Variants in CHRNA2 observed in about 807,000 individuals in gnomAD.
CHRNA2 encodes the protein cholinergic receptor nicotinic alpha 2 subunit.
In CHRNA2, 40 loss-of-function variants were observed where a neutral mutation model predicts 45.5. The observed-to-expected ratio is 0.88, with a 90% CI of 0.68 to 1.15. The LOEUF (loss-of-function observed/expected upper bound fraction) is 1.15, where lower values mean the gene tolerates loss of function less well. Ranked by LOEUF, CHRNA2 falls within the 50% of genes most tolerant of loss-of-function variation. The pLI is 0.00. For synonymous variants in CHRNA2, 301 were observed against 296.7 expected, an observed-to-expected ratio of 1.01 and a Z score of -0.15; for missense variants, 655 against 701.7, an observed-to-expected ratio of 0.93 and a Z score of 0.75.
chr8:27,469,840 C>G lies in CHRNA2; in HGVS notation c.215G>C (p.Arg72Pro), dbSNP rs201922955. 6.8e-5 allele frequency: 110 copies of G among 1,613,994 alleles called. No homozygotes were observed. Among genetic ancestry groups the G allele is most frequent in the Non-Finnish European group, 6.9e-5 (82 of 1,180,034 alleles). The change falls in exon 3 of 7, where the codon CGC becomes CCC. Residue 72 changes from arginine (R) to proline (P), a missense_variant. Arg to Pro is a moderately radical substitution (Grantham distance 103, BLOSUM62 -2). Around this residue, in one of 3 missense-constraint regions of CHRNA2, gnomAD observed 323 missense variants for 354.4 expected, o/e 0.91. Coordinates refer to ENST00000407991, the MANE Select transcript of CHRNA2 (RefSeq NM_000742.4). Reference sequence around the variant, plus strand: ...AGTGTTGGGCACCGGGCGCGCCCAGCGGTTGTAGCCCCGGAAGAGGTGTTT... The same window carrying G: ...AGTGTTGGGCACCGGGCGCGCCCAGGGGTTGTAGCCCCGGAAGAGGTGTTT... ...LFKHLFRGYN[R>P]WARPVPNTSD...
chr8:27,469,513 A>C, intron 3 of CHRNA2, 134 bp from the exon 4 acceptor site: 2 of 993,936 alleles, frequency 2.0e-6, no homozygotes, highest in Non-Finnish European at 3.1e-6. Context: ...CCCACTCTGA[A>C]ACCTGCCACC....
intron 4 of CHRNA2, among the ~76,000 whole-genome samples, chr8:27,467,872 C>T (rs1476125690): frequency 1.3e-5 from 2 of 152,118 alleles, no homozygotes; most frequent in Non-Finnish European, 2.9e-5. Context: ...TCAAACTGCA[C>T]TCTCAAGTGC....
chr8:27,462,138 C>T (rs1163063778), intron 6 of CHRNA2, among the ~76,000 whole-genome samples: 1 of 152,232 alleles, frequency 6.6e-6, no homozygotes, highest in Non-Finnish European at 1.5e-5. Flanking sequence ...TCACAGGTTG[C>T]CTCCTCACCC....
rs775662796 is a variant in CHRNA2 at position 27,467,284 on chromosome 8, A to T, written c.394T>A (p.Ser132Thr). Residue 132 changes from serine (S) to threonine (T), a missense_variant, in exon 5 of 7, where the codon TCT becomes ACT. Coordinates refer to ENST00000407991, the MANE Select transcript of CHRNA2 (RefSeq NM_000742.4). ...ATCATCTCAGAAGGGACCCTGAGAG[A>T]TGTGATGTTGCCAAAATCAGTGGGG... ...WNPTDFGNIT[S>T]LRVPSEMIWI... 8 of 1,614,090 alleles carry T rather than the reference A, an allele frequency of 5.0e-6. No homozygotes were observed. Among genetic ancestry groups the T allele is most frequent in the Non-Finnish European group, 5.9e-6 (7 of 1,179,926 alleles).
intron 2 of CHRNA2, among the ~76,000 whole-genome samples, chr8:27,470,437 G>A (rs1020682320): frequency 3.3e-5 from 5 of 152,338 alleles, no homozygotes; most frequent in Admixed American, 2.0e-4. Context: ...GAAATGGACC[G>A]CTTTGGGAAC....
chr8:27,469,477 A>C, intron 3 of CHRNA2, 98 bp from the exon 4 acceptor site: 2 of 1,324,062 alleles, frequency 1.5e-6, no homozygotes, highest in South Asian at 2.5e-5. Context: ...CTCTGATAGG[A>C]CACCCCAAGC....
Position 27,461,451 on chromosome 8 carries a change from G to C in CHRNA2, c.*178C>G, listed in dbSNP as rs1002574858. ...AACAGGGCTTTGCACCCAGCAGGCT[G>C]TCAGCCCTGGTACAATAACGTTAAG... On this transcript the variant is annotated 3_prime_UTR_variant, in exon 7 of 7. Coordinates refer to ENST00000407991, the MANE Select transcript of CHRNA2 (RefSeq NM_000742.4). The C allele has an allele frequency of 1.3e-5, 11 of 860,842 alleles. No individual in the cohort carries two copies. The highest frequency in any genetic ancestry group is 7.8e-5 in the Admixed American group (3 of 38,246). The allele number at this position is 860,842 out of a possible 1,614,324, so 53.3% of individuals were successfully genotyped here. A position where few individuals can be genotyped will look rare whatever the true frequency, so the allele number is the denominator to read the frequency against.
rs1442987297 is a variant in CHRNA2, at chr8:27,460,752, G to C, written c.*877C>G. The C allele has an allele frequency of 6.6e-6, 1 of 152,326 alleles. No homozygotes were observed. The highest frequency in any genetic ancestry group is 1.5e-5 in the Non-Finnish European group (1 of 68,136). 9.4% of individuals were successfully genotyped at this position (152,326 alleles called of 1,614,324 possible). ...GGAGCAGCTCAGGATGGTCTTTCTT[G>C]TTTGCCTGCTGCACGCGTAGGGACA... is the stretch of plus-strand genomic sequence containing the variant. On this transcript the variant is annotated 3_prime_UTR_variant, in exon 7 of 7. Coordinates refer to ENST00000407991, the MANE Select transcript of CHRNA2 (RefSeq NM_000742.4).
intron 1 of CHRNA2, among the ~76,000 whole-genome samples, chr8:27,473,524 A>ACCCCCG (rs1812958118): frequency 9.9e-6 from 1 of 100,600 alleles, no homozygotes; most frequent in African/African-American, 3.9e-5. Context: ...ACATAGTGAG[A>ACCCCCG]CCCCCCCCGC....
chr8:27,469,473 T>C, intron 3 of CHRNA2, 94 bp from the exon 4 acceptor site: 6 of 1,340,270 alleles, frequency 4.5e-6, no homozygotes, highest in Non-Finnish European at 6.3e-6. Flanking sequence ...GACCCTCTGA[T>C]AGGACACCCC....
At position 27,469,388 on chromosome 8, in the gene CHRNA2, G is replaced by A. The variant is rs2132666030; in HGVS notation, c.295-9C>T. The A allele has an allele frequency of 1.3e-6, 2 of 1,555,296 alleles. No individual in the cohort carries two copies. The highest frequency in any genetic ancestry group is 1.7e-6 in the Non-Finnish European group (2 of 1,148,720). On this transcript the variant is annotated splice_polypyrimidine_tract_variant and intron_variant, in intron 3 of 6. Transcript: ENST00000407991. ...ATTTGGTTCTTCTCATCCTGGCCCA[G>A]AGAGAGACAGAGGAGCAATTAAAGG...
At chr8:27,467,365 A>G (rs763096433) in intron 4 of CHRNA2, 27 bp from the exon 5 acceptor site, 2 of 1,567,460 alleles carry the variant, frequency 1.3e-6, no homozygotes, top group African/African-American at 2.7e-5. Context: ...AGTTGTGTCA[A>G]CCTCGCTTCC....
At chr8:27,461,836 C>T (rs529399073) in intron 6 of CHRNA2, 82 bp from the exon 7 acceptor site, 50 of 1,601,682 alleles carry the variant, frequency 3.1e-5, no homozygotes, top group Middle Eastern at 1.9e-4. Context: ...CCTGCACAGG[C>T]GGCCACTGGG....
At position 27,463,341 on chromosome 8, in the gene CHRNA2, C is replaced by T; in HGVS notation, c.1102G>A (p.Gly368Arg). Residue 368 changes from glycine to arginine, a missense_variant, in exon 6 of 7, where the codon GGG (glycine) becomes AGG (arginine). Gly to Arg is a moderately radical substitution (Grantham distance 125). This residue lies in a region of CHRNA2 where 295 missense variants were observed against 280.4 expected (regional missense o/e 1.05). Transcript: ENST00000407991. This position sits in a 1 kb window ranked among gnomAD's most constrained non-coding sequence, Gnocchi z 6.1. Reference sequence around the variant, plus strand: ...CGGGGCACACAGCCCAGAAGGGCCCCCCGCACCCAGTGGGGCATGGTGTGG... The same window carrying T: ...CGGGGCACACAGCCCAGAAGGGCCCTCCGCACCCAGTGGGGCATGGTGTGG... ...STHTMPHWVRGALLGCVPRWL... is the reference protein window; with the variant it reads ...STHTMPHWVRRALLGCVPRWL... 1 of 1,613,898 alleles carries T rather than the reference C, an allele frequency of 6.2e-7. No individual in the cohort carries two copies. The highest frequency in any genetic ancestry group is 1.1e-5 in the South Asian group (1 of 91,088).
chr8:27,465,664 C>T (rs1210616994), intron 5 of CHRNA2, among the ~76,000 whole-genome samples: 1 of 152,128 alleles, frequency 6.6e-6, no homozygotes, highest in Non-Finnish European at 1.5e-5. Context: ...CTCTTGACCT[C>T]CTGATCCGCC....
chr8:27,471,109 AC>A lies in CHRNA2; in HGVS notation c.-52del. The A allele has an allele frequency of 6.6e-7, 1 of 1,506,510 alleles. No individual in the cohort carries two copies. Among genetic ancestry groups the A allele is most frequent in the Non-Finnish European group, 9.2e-7 (1 of 1,083,626 alleles). 93.3% of individuals were successfully genotyped at this position (1,506,510 alleles called of 1,614,324 possible). ...AGGTCAGGGCTTTGCTGTGGGTTGC[AC>A]CATGGACCATGTCCCCAGCAGAGCT... On this transcript the variant is annotated 5_prime_UTR_variant, in exon 2 of 7. An upstream open reading frame in the 5' UTR gains an earlier in-frame stop. Coordinates refer to ENST00000407991, the MANE Select transcript of CHRNA2 (RefSeq NM_000742.4).
chr8:27,462,954 G>A (rs544628336), intron 6 of CHRNA2, 25 bp downstream of exon 6: 1 of 1,613,814 alleles, frequency 6.2e-7, no homozygotes, highest in Admixed American at 1.7e-5. Flanking sequence ...CACCCAGGCT[G>A]GCGCCTCTCC....
At position 27,463,915 on chromosome 8, in the gene CHRNA2, C is replaced by CTTGTA. The variant is rs1812614739; in HGVS notation, c.527_528insTACAA (p.Ala177ThrfsTer25). The CTTGTA allele has an allele frequency of 6.2e-7, 1 of 1,613,962 alleles. No individual in the cohort carries two copies. Among genetic ancestry groups the CTTGTA allele is most frequent in the African/African-American group, 1.3e-5 (1 of 74,882 alleles). ...TGCTGCAGGAGCTCTTGTAGATGGC[C>CTTGTA]GGGGGCACCCAGTGCACAGTGCCCG... On this transcript the variant is annotated frameshift_variant, in exon 6 of 7. Transcript: ENST00000407991. LOFTEE classifies it high-confidence loss of function. The surrounding 1 kb of genome is among the most constrained non-coding windows in gnomAD (Gnocchi z 6.1).
At chr8:27,467,552 T>C (rs556886679) in intron 4 of CHRNA2, 10 of 558,364 alleles carry the variant, frequency 1.8e-5, no homozygotes, top group Non-Finnish European at 3.2e-5. Flanking sequence ...ACTTTAGTAG[T>C]CAAGGTCCCG....
Sources: gnomAD v4.1 joint callset for allele counts (sites outside exome capture counted in the v4.1 genomes callset) on GRCh38, gnomAD v4.1.1 for gene constraint, gnomAD v4.1.1 regional missense constraint, Gnocchi (gnomAD v3.1) non-coding constraint, MANE v1.5 for transcripts, NCBI Gene and HGNC (gene_info 2026-07-23, HGNC 2026-07-21) for gene names.